Variants in PEX6 observed in about 807,000 individuals in gnomAD.
PEX6 encodes the protein peroxisomal biogenesis factor 6, also known as peroxisome biogenesis factor 6.
A neutral mutation model predicts 85.6 loss-of-function variants in PEX6; 55 were observed. The observed-to-expected ratio is 0.64, with a 90% CI of 0.52 to 0.80. PEX6 has a LOEUF of 0.80. Ranked by LOEUF, PEX6 falls within the 30% of genes least tolerant of loss-of-function variation. The probability of loss-of-function intolerance (pLI) is 0.00; values close to 1 mark genes in which losing one functional copy is unlikely to be tolerated. For synonymous variants in PEX6, 519 were observed against 549.1 expected (o/e 0.95, Z 0.77); for missense variants, 1,099 against 1,260.3 (o/e 0.87, Z 1.94).
chr6:42,977,251 C>CCTTTTTTTTTTTTTTTT lies in PEX6; in HGVS notation c.882+1017_882+1018insAAAAAAAAAAAAAAAAG, dbSNP rs34536442. 1.6e-5 allele frequency among the ~76,000 whole-genome samples: 2 copies of CCTTTTTTTTTTTTTTTT among 126,678 alleles called. 1 individual carries two copies. 83.1% of individuals were successfully genotyped at this position (126,678 alleles called of 152,430 possible). A position where few individuals can be genotyped will look rare whatever the true frequency, so the allele number is the denominator to read the frequency against. ...ATTAACATACACATCTGAAACCTCA[C>CCTTTTTTTTTTTTTTTT]TTTTTTTTTTTTTTTTTTTTACACA... On this transcript the variant is annotated intron_variant, in intron 1 of 16. Coordinates refer to ENST00000304611, the MANE Select transcript of PEX6 (RefSeq NM_000287.4).
chr6:42,975,872 T>C (rs998933689), intron 1 of PEX6, among the ~76,000 whole-genome samples: 2 of 150,854 alleles, frequency 1.3e-5, no homozygotes, highest in South Asian at 2.1e-4. Flanking sequence ...TGCACCACCA[T>C]GCCTGGCTAA....
rs541877938 is a variant in PEX6 at position 42,974,451 on chromosome 6, G to GTTT, written c.1047-368_1047-366dup. 4.4e-3 allele frequency among the ~76,000 whole-genome samples: 266 copies of GTTT among 61,034 alleles called. 5 individuals carry two copies. Among genetic ancestry groups the GTTT allele is most frequent in the Non-Finnish European group, 5.3e-3 (157 of 29,866 alleles). The allele number at this position is 61,034 out of a possible 152,430, so 40.0% of individuals were successfully genotyped here. On this transcript the variant is annotated intron_variant, in intron 2 of 16. Transcript: ENST00000304611. ...ACAATCTGTCTGAAATGTTTTTTTTGTTTTTTTTTTTTTTTTTTTTTTTTG... is the reference window on the plus strand; with the variant it reads ...ACAATCTGTCTGAAATGTTTTTTTTGTTTTTTTTTTTTTTTTTTTTTTTTTTTG...
chr6:42,966,469 G>A, intron 10 of PEX6, 22 bp from the exon 11 acceptor site: 2 of 1,614,154 alleles, frequency 1.2e-6, no homozygotes, highest in Non-Finnish European at 1.7e-6. Flanking sequence ...AAAGTGCGTG[G>A]TTGGGATATG....
chr6:42,974,585 G>A (rs1770203565), intron 2 of PEX6, among the ~76,000 whole-genome samples: 2 of 147,184 alleles, frequency 1.4e-5, no homozygotes, highest in East Asian at 2.0e-4. Context: ...AGCCTCCCAA[G>A]TAGCTGGGAC....
chr6:42,966,754 C>G (rs775375771), intron 9 of PEX6, 28 bp downstream of exon 9: 3 of 1,613,898 alleles, frequency 1.9e-6, no homozygotes, highest in Admixed American at 3.3e-5. Context: ...TTCCTCTTTC[C>G]GCCTTTCCGG....
intron 7 of PEX6, 27 bp from the exon 8 acceptor site, chr6:42,967,590 G>A: frequency 6.3e-7 from 1 of 1,578,274 alleles, no homozygotes; most frequent in Non-Finnish European, 8.6e-7. Flanking sequence ...GGGCACTGAG[G>A]GTGAGAACAT....
At chr6:42,968,246 A>G in intron 7 of PEX6, 44 bp downstream of exon 7, 1 of 1,562,858 alleles carries the variant, frequency 6.4e-7, no homozygotes, top group African/African-American at 1.4e-5. Flanking sequence ...CACCGCGCCC[A>G]GCCGGCCCCC....
At chr6:42,974,442 G>GTTTTTGTTTTTTTTTTTT (rs1561827292) in intron 2 of PEX6, among the ~76,000 whole-genome samples, 1 of 115,946 alleles carries the variant, frequency 8.6e-6, no homozygotes. Context: ...TGTCTGAAAT[G>GTTTTTGTTTTTTTTTTTT]TTTTTTTTGT....
At chr6:42,967,621 T>C (rs373367644) in intron 7 of PEX6, 58 bp from the exon 8 acceptor site, 5 of 1,515,512 alleles carry the variant, frequency 3.3e-6, no homozygotes, top group African/African-American at 2.7e-5. Flanking sequence ...TCCTGTGGAC[T>C]GCCTTGTCCC....
chr6:42,968,252 C>A, intron 7 of PEX6, 38 bp downstream of exon 7: 1 of 1,561,136 alleles, frequency 6.4e-7, no homozygotes, highest in Non-Finnish European at 8.8e-7. Flanking sequence ...GCCCAGCCGG[C>A]CCCCCCAGCT....
intron 3 of PEX6, among the ~76,000 whole-genome samples, chr6:42,970,419 G>A (rs1770023124): frequency 6.6e-6 from 1 of 152,248 alleles, no homozygotes; most frequent in South Asian, 2.1e-4. Flanking sequence ...AAATCTCATT[G>A]CAGGCGGAGT....
rs1358777052 is a variant in PEX6 at position 42,965,108 on chromosome 6, G to A, written c.2633C>T (p.Ser878Phe). 2 of 1,614,100 alleles carry A rather than the reference G, an allele frequency of 1.2e-6. No homozygotes were observed. The highest frequency in any genetic ancestry group is 1.3e-5 in the African/African-American group (1 of 74,944). ...VFVGANEDRA[S>F]QLRVLSAITR... ...GATGGCACTTAGAACGCGTAGCTGGGAGGCCCGGTCCTCATTTGCCCCCAC... is the reference window on the plus strand; with the variant it reads ...GATGGCACTTAGAACGCGTAGCTGGAAGGCCCGGTCCTCATTTGCCCCCAC... The change falls in exon 15 of 17, where the codon TCC becomes TTC. Residue 878 changes from serine to phenylalanine, a missense_variant. Around this residue, in one of 3 missense-constraint regions of PEX6, gnomAD observed 514 missense variants for 627.0 expected, o/e 0.82. Coordinates refer to ENST00000304611, the MANE Select transcript of PEX6 (RefSeq NM_000287.4). The surrounding 1 kb of genome is among the most constrained non-coding windows in gnomAD (Gnocchi z 5.0).
chr6:42,967,838 T>C lies in PEX6; in HGVS notation c.1689-275A>G, dbSNP rs188806289. Among the ~76,000 whole-genome samples the C allele has an allele frequency of 7.2e-3, 1,097 of 151,930 alleles. 5 individuals carry two copies. The highest frequency in any genetic ancestry group is 0.013 in the Non-Finnish European group (887 of 67,964). On this transcript the variant is annotated intron_variant, in intron 7 of 16. Transcript: ENST00000304611. ...CCTCTAAAGACACGGAGCTCAGGGC[T>C]GTCTAGAGGGCAGCCAAATGGATGG... is the stretch of plus-strand genomic sequence containing the variant.
Position 42,968,487 on chromosome 6 carries a change from G to A in PEX6, c.1491C>T (p.Ser497=), listed in dbSNP as rs79238506. The change falls in exon 7 of 17, where the codon TCC becomes TCT. Residue 497 remains serine (S), a synonymous_variant. Transcript: ENST00000304611. ...CCCCACTACTTTCTGCACAGAGGCT[G>A]GAGCAGGGCACCTGGGGAGGGGATC... ...LGLHLLKVPC[S]SLCAESSGAV... The A allele has an allele frequency of 1.5e-4, 242 of 1,576,704 alleles. No individual in the cohort carries two copies. The African/African-American group carries it at 2.6e-3, about 17-fold the overall frequency.
In PEX6 at chr6:42,965,799, G is replaced by A. The variant is rs370221316; in HGVS notation, c.2363-10C>T. 6.2e-7 allele frequency: 1 copy of A among 1,609,340 alleles called. No individual in the cohort carries two copies. Among genetic ancestry groups the A allele is most frequent in the Non-Finnish European group, 8.5e-7 (1 of 1,175,802 alleles). On this transcript the variant is annotated splice_polypyrimidine_tract_variant and intron_variant, in intron 12 of 16. Transcript: ENST00000304611. This position sits in a 1 kb window ranked among gnomAD's most constrained non-coding sequence, Gnocchi z 5.0. ...CTGGCCCTGGCAAACACTGAAGAGA[G>A]AGAGGGGCCCACAGGAGGGCAAAGC...
chr6:42,970,006 A>T lies in PEX6; in HGVS notation c.1131-19T>A, dbSNP rs761325258. 3.1e-6 allele frequency: 5 copies of T among 1,602,280 alleles called. No individual in the cohort carries two copies. Among genetic ancestry groups the T allele is most frequent in the Non-Finnish European group, 4.3e-6 (5 of 1,169,350 alleles). On this transcript the variant is annotated intron_variant, in intron 3 of 16. Transcript: ENST00000304611. The stretch of plus-strand genomic sequence containing the variant: ...CCGCCACCTGCAGGAAAAAGGCCCA[A>T]TGAACCCCAGATCCAGAGTCCAAAA...
Position 42,978,922 on chromosome 6 carries a change from T to C in PEX6, c.229A>G (p.Ser77Gly). Reference protein sequence around the residue: ...QGPGPPQLLVSRALLRLLALG... With the variant: ...QGPGPPQLLVGRALLRLLALG... ...GCCAGGAGCCGCAGCAGCGCGCGGC[T>C]AACCAGTAGCTGCGGCGGCCCGGGA... The change falls in exon 1 of 17, where the codon AGC becomes GGC. Residue 77 changes from serine (S) to glycine (G), a missense_variant. By Grantham distance (56) the Ser-to-Gly change is moderately conservative. This residue lies in a region of PEX6 where 579 missense variants were observed against 611.6 expected (regional missense o/e 0.95). Transcript: ENST00000304611. 6.7e-7 allele frequency: 1 copy of C among 1,488,392 alleles called. No homozygotes were observed. Among genetic ancestry groups the C allele is most frequent in the Non-Finnish European group, 8.9e-7 (1 of 1,127,696 alleles). 92.2% of individuals were successfully genotyped at this position (1,488,392 alleles called of 1,614,324 possible).
Position 42,965,978 on chromosome 6 carries a change from G to A in PEX6, c.2362+66C>T. On this transcript the variant is annotated intron_variant, in intron 12 of 16. Coordinates refer to ENST00000304611, the MANE Select transcript of PEX6 (RefSeq NM_000287.4). The surrounding 1 kb of genome is among the most constrained non-coding windows in gnomAD (Gnocchi z 5.0). ...ATGATCATGAGTAGCCTGGGAGTAG[G>A]GGGTGGCTTGGGGGCCATCGGGGTT... 1 of 1,532,042 alleles carries A rather than the reference G, an allele frequency of 6.5e-7. No homozygotes were observed. Among genetic ancestry groups the A allele is most frequent in the Admixed American group, 1.7e-5 (1 of 59,918 alleles). The allele number at this position is 1,532,042 out of a possible 1,614,324, so 94.9% of individuals were successfully genotyped here. A position where few individuals can be genotyped will look rare whatever the true frequency, so the allele number is the denominator to read the frequency against.
In PEX6 at chr6:42,966,040, T is replaced by G. The variant is rs1279182632; in HGVS notation, c.2362+4A>C. The G allele has an allele frequency of 6.2e-7, 1 of 1,613,738 alleles. No individual in the cohort carries two copies. Among genetic ancestry groups the G allele is most frequent in the East Asian group, 2.2e-5 (1 of 44,878 alleles). On this transcript the variant is annotated splice_donor_region_variant and intron_variant, in intron 12 of 16. Coordinates refer to ENST00000304611, the MANE Select transcript of PEX6 (RefSeq NM_000287.4). ...GGACGCCCTGCCCCTCCCTGCTCACTCACCTTCCCGCACATTCTCCTCACT... is the reference window on the plus strand; with the variant it reads ...GGACGCCCTGCCCCTCCCTGCTCACGCACCTTCCCGCACATTCTCCTCACT...
Sources: gnomAD v4.1 joint callset for allele counts (sites outside exome capture counted in the v4.1 genomes callset) on GRCh38, gnomAD v4.1.1 for gene constraint, gnomAD v4.1.1 regional missense constraint, Gnocchi (gnomAD v3.1) non-coding constraint, MANE v1.5 for transcripts, NCBI Gene and HGNC (gene_info 2026-07-23, HGNC 2026-07-21) for gene names.